Variants in KATNAL1 observed in about 807,000 individuals in gnomAD.
The protein encoded by KATNAL1 is katanin p60 ATPase-containing subunit A-like 1.
KATNAL1 carries 32 observed loss-of-function variants against 55.2 expected under a neutral mutation model. The observed-to-expected ratio is 0.58, with a 90% CI of 0.44 to 0.78. The LOEUF is 0.78. Among genes scored for constraint, KATNAL1 ranks in the 30% least tolerant of loss-of-function variants. The probability of loss-of-function intolerance (pLI) is 0.00; values close to 1 mark genes in which losing one functional copy is unlikely to be tolerated. For missense variants in KATNAL1, 466 were observed against 600.9 expected, an observed-to-expected ratio of 0.78 and a Z score of 2.35; for synonymous variants, 193 against 193.6, an observed-to-expected ratio of 1.00 and a Z score of 0.02.
rs551466589 is a variant in KATNAL1 at position 30,216,731 on chromosome 13, G to A, written c.1148-6289C>T. On this transcript the variant is annotated intron_variant, in intron 9 of 10. Coordinates refer to ENST00000380615, the MANE Select transcript of KATNAL1 (RefSeq NM_032116.5). Reference sequence around the variant, plus strand: ...AGGGGAGGAAGCTCCTGTGCCTACCGATACAGAAGGCTGATGTGCGCCTGA... The same window carrying A: ...AGGGGAGGAAGCTCCTGTGCCTACCAATACAGAAGGCTGATGTGCGCCTGA... Among the ~76,000 whole-genome samples the A allele has an allele frequency of 6.6e-5, 10 of 152,322 alleles. No homozygotes were observed. In the South Asian group the frequency reaches 8.3e-4, roughly 13 times the overall value.
chr13:30,248,792 G>A (rs1190470221), intron 4 of KATNAL1, among the ~76,000 whole-genome samples: 1 of 152,172 alleles, frequency 6.6e-6, no homozygotes, highest in East Asian at 1.9e-4. Flanking sequence ...AGGTGCGGGG[G>A]CTCACGCCTG....
At chr13:30,232,688 C>T (rs1414326856) in intron 6 of KATNAL1, among the ~76,000 whole-genome samples, 1 of 152,126 alleles carries the variant, frequency 6.6e-6, no homozygotes, top group African/African-American at 2.4e-5. Flanking sequence ...CTAACATTAG[C>T]AGCTGTTTAT....
intron 3 of KATNAL1, among the ~76,000 whole-genome samples, chr13:30,271,465 GGAA>G (rs1364919977): frequency 6.6e-6 from 1 of 152,150 alleles, no homozygotes; most frequent in African/African-American, 2.4e-5. Context: ...AAGGTGAAGG[GGAA>G]GAAGACACAT....
Position 30,205,688 on chromosome 13 carries a change from C to A in KATNAL1, c.*2852G>T, listed in dbSNP as rs1873049950. On this transcript the variant is annotated 3_prime_UTR_variant, in exon 11 of 11. Transcript: ENST00000380615. ...TAAAAGTTAGGGCTGGGCACAGTGG[C>A]TCACGCCTGTAATCCAAGCACTCAT... is the stretch of plus-strand genomic sequence containing the variant. The A allele has an allele frequency of 6.7e-6, 1 of 148,904 alleles. No homozygotes were observed. Among genetic ancestry groups the A allele is most frequent in the African/African-American group, 2.5e-5 (1 of 39,382 alleles). The allele number at this position is 148,904 out of a possible 1,614,324, so 9.2% of individuals were successfully genotyped here.
chr13:30,266,701 GT>G (rs1167417543), intron 3 of KATNAL1, among the ~76,000 whole-genome samples: 2 of 152,102 alleles, frequency 1.3e-5, no homozygotes, highest in Non-Finnish European at 2.9e-5. Context: ...AATATTACCA[GT>G]TTTTATCCTC....
chr13:30,212,222 A>G (rs140064277), intron 9 of KATNAL1, among the ~76,000 whole-genome samples: 2 of 152,362 alleles, frequency 1.3e-5, no homozygotes, highest in Admixed American at 6.5e-5. Flanking sequence ...AGGAACTTCT[A>G]TTCATCAAAA....
intron 4 of KATNAL1, among the ~76,000 whole-genome samples, chr13:30,247,023 A>G (rs901555716): frequency 6.6e-6 from 1 of 152,150 alleles, no homozygotes; most frequent in Non-Finnish European, 1.5e-5. Flanking sequence ...TCTCTTATTA[A>G]TCCTAAAAGT....
At chr13:30,216,566 A>G (rs1484668923) in intron 9 of KATNAL1, among the ~76,000 whole-genome samples, 1 of 152,226 alleles carries the variant, frequency 6.6e-6, no homozygotes, top group African/African-American at 2.4e-5. Flanking sequence ...CTACCTCCAC[A>G]GTTCCCTAAT....
intron 9 of KATNAL1, among the ~76,000 whole-genome samples, chr13:30,218,813 C>A (rs139317330): frequency 1.3e-5 from 2 of 152,098 alleles, no homozygotes; most frequent in African/African-American, 4.8e-5. Flanking sequence ...ATCCCAGGCC[C>A]CAGCTGTGGA....
chr13:30,282,710 T>C (rs1427860950), intron 2 of KATNAL1, among the ~76,000 whole-genome samples: 6 of 149,498 alleles, frequency 4.0e-5, no homozygotes, highest in Non-Finnish European at 7.4e-5. Flanking sequence ...ATCCCAGCAC[T>C]TTGGGAGGCC....
intron 1 of KATNAL1, among the ~76,000 whole-genome samples, chr13:30,303,952 C>G (rs1227086767): frequency 6.6e-6 from 1 of 152,204 alleles, no homozygotes; most frequent in Non-Finnish European, 1.5e-5. Flanking sequence ...ACTGGCAGTC[C>G]TGCCACACTG....
At chr13:30,222,820 C>T (rs1301307458) in intron 9 of KATNAL1, among the ~76,000 whole-genome samples, 1 of 152,162 alleles carries the variant, frequency 6.6e-6, no homozygotes, top group Non-Finnish European at 1.5e-5. Context: ...CAGCCAGGTG[C>T]AGTGGCTCAT....
intron 1 of KATNAL1, among the ~76,000 whole-genome samples, chr13:30,292,448 A>C (rs1288290456): frequency 2.6e-5 from 4 of 152,160 alleles, no homozygotes; most frequent in Non-Finnish European, 4.4e-5. Context: ...CTGCAAAGGA[A>C]GTAGTCTGCA....
chr13:30,223,064 C>T (rs764674026), intron 9 of KATNAL1, among the ~76,000 whole-genome samples: 1 of 151,636 alleles, frequency 6.6e-6, no homozygotes, highest in African/African-American at 2.4e-5. Flanking sequence ...CACTGCACTC[C>T]CGCCTGGGCA....
intron 4 of KATNAL1, among the ~76,000 whole-genome samples, chr13:30,249,267 A>C (rs1259006379): frequency 6.6e-5 from 10 of 152,066 alleles, no homozygotes; most frequent in Admixed American, 6.5e-4. Context: ...TCAAGTGTTG[A>C]CAAGGATGTG....
chr13:30,293,326 T>A (rs1009915339), intron 1 of KATNAL1, among the ~76,000 whole-genome samples: 4 of 152,268 alleles, frequency 2.6e-5, no homozygotes, highest in Non-Finnish European at 5.9e-5. Context: ...GGTATATAAC[T>A]TAAAGTGCAC....
intron 9 of KATNAL1, among the ~76,000 whole-genome samples, chr13:30,211,008 T>C (rs1873642009): frequency 6.6e-6 from 1 of 152,188 alleles, no homozygotes; most frequent in Non-Finnish European, 1.5e-5. Context: ...TCCAGTATGA[T>C]TTAAATGTGA....
chr13:30,210,276 T>G lies in KATNAL1; in HGVS notation c.1274+40A>C. The G allele has an allele frequency of 3.9e-6, 6 of 1,548,660 alleles. 1 individual carries two copies. In the South Asian group the frequency reaches 7.5e-5, roughly 19 times the overall value. On this transcript the variant is annotated intron_variant, in intron 10 of 10. Transcript: ENST00000380615. ...TTAAGACCAGTCCTCCTGCGAAGTC[T>G]ATAACTAATGTCTAAAATCACAGAT...
chr13:30,214,677 A>T (rs1340374539), intron 9 of KATNAL1, among the ~76,000 whole-genome samples: 2 of 152,146 alleles, frequency 1.3e-5, no homozygotes, highest in Non-Finnish European at 2.9e-5. Flanking sequence ...TGGGGAAAGG[A>T]TTCCCTATTT....
Sources: allele counts gnomAD v4.1 joint callset (sites outside exome capture counted in the v4.1 genomes callset), GRCh38; gene constraint gnomAD v4.1.1; transcripts MANE v1.5; gene names NCBI Gene and HGNC (gene_info 2026-07-23, HGNC 2026-07-21).